AGBL1: variants seen among roughly 807,000 people sequenced by gnomAD.
AGBL1 encodes AGBL carboxypeptidase 1, also known as cytosolic carboxypeptidase 4.
AGBL1 carries 130 observed loss-of-function variants against 118.9 expected under a neutral mutation model. That is an observed-to-expected ratio of 1.09 (90% CI 0.95 to 1.26). The LOEUF is 1.26. AGBL1 is among the 50% of genes most tolerant of loss of function. The pLI is 0.00. For synonymous variants in AGBL1, 555 were observed against 478.9 expected, an observed-to-expected ratio of 1.16 and a Z score of -2.08; for missense variants, 1,584 against 1,298.1, an observed-to-expected ratio of 1.22 and a Z score of -3.38.
At chr15:86,781,727 G>A (rs769270281) in intron 22 of AGBL1, among the ~76,000 whole-genome samples, 1 of 152,106 alleles carries the variant, frequency 6.6e-6, no homozygotes, top group African/African-American at 2.4e-5. Context: ...GGCTACCAAA[G>A]ACAATATAGT....
At chr15:87,004,177 A>C (rs544118436) in intron 24 of AGBL1, among the ~76,000 whole-genome samples, 1 of 152,060 alleles carries the variant, frequency 6.6e-6, no homozygotes, top group Non-Finnish European at 1.5e-5. Context: ...CTTTGTTCTC[A>C]CTGGTTTCAA....
rs544765439 is a variant in AGBL1, at chr15:86,842,735, C to G, written c.3159-64352C>G. ...ATAATGTATTTTTCCTTAATTCTTT[C>G]AATTCTCCAAATGCTCTCTGGGAGA... On this transcript the variant is annotated intron_variant, in intron 22 of 22. Transcript: ENST00000614907. 3.9e-5 allele frequency among the ~76,000 whole-genome samples: 6 copies of G among 152,232 alleles called. No homozygotes were observed. In the East Asian group the frequency reaches 1.2e-3, roughly 29 times the overall value.
At chr15:86,544,337 C>T (rs2083548361) in intron 19 of AGBL1, among the ~76,000 whole-genome samples, 1 of 152,152 alleles carries the variant, frequency 6.6e-6, no homozygotes, top group African/African-American at 2.4e-5. Context: ...TTGCAAGGTT[C>T]CTGGGAACAG....
At chr15:86,372,615 A>T (rs963976753) in intron 17 of AGBL1, among the ~76,000 whole-genome samples, 1 of 152,218 alleles carries the variant, frequency 6.6e-6, no homozygotes, top group Non-Finnish European at 1.5e-5. Context: ...GTTCATTCCG[A>T]TTTGGAATAC....
intron 1 of AGBL1, among the ~76,000 whole-genome samples, chr15:86,137,389 G>T (rs930123584): frequency 6.6e-5 from 10 of 152,142 alleles, no homozygotes; most frequent in African/African-American, 2.4e-4. Context: ...AGAGCACGTG[G>T]AGGTGTAAAA....
At chr15:86,961,714 G>A (rs1273340543) in intron 23 of AGBL1, among the ~76,000 whole-genome samples, 1 of 152,072 alleles carries the variant, frequency 6.6e-6, no homozygotes, top group Non-Finnish European at 1.5e-5. Context: ...CGGGGGCTCA[G>A]ATGTTTCTCA....
At position 86,701,757 on chromosome 15, in the gene AGBL1, T is replaced by C. The variant is rs138111711; in HGVS notation, c.3158+27321T>C. 1.7e-3 allele frequency among the ~76,000 whole-genome samples: 242 copies of C among 141,424 alleles called. 4 individuals are homozygous for C. The East Asian group carries it at 0.023, about 14-fold the overall frequency. 92.8% of individuals were successfully genotyped at this position (141,424 alleles called of 152,430 possible). On this transcript the variant is annotated intron_variant, in intron 22 of 22. Transcript: ENST00000614907. ...CTCCTCTCTCCTTCCTTTCACTCCT[T>C]TCCCCTTCCTTTCACTCCTCTCCCC...
chr15:86,575,773 T>A (rs1039895670), intron 21 of AGBL1, among the ~76,000 whole-genome samples: 41 of 151,812 alleles, frequency 2.7e-4, no homozygotes, highest in African/African-American at 9.4e-4. Flanking sequence ...GAAAAAAAAA[T>A]TTCTATAGAG....
intron 23 of AGBL1, among the ~76,000 whole-genome samples, chr15:86,967,518 G>C (rs1434756130): frequency 6.6e-6 from 1 of 152,050 alleles, no homozygotes; most frequent in Non-Finnish European, 1.5e-5. Context: ...TGTAAGGAAG[G>C]GATCCAGTTT....
chr15:86,295,723 G>C (rs542374026), intron 17 of AGBL1: 12 of 193,508 alleles, frequency 6.2e-5, no homozygotes, highest in Middle Eastern at 4.1e-3. Context: ...TCTAATCCAG[G>C]GACTTTTCTC....
At chr15:86,747,093 C>G (rs2077768978) in intron 22 of AGBL1, among the ~76,000 whole-genome samples, 1 of 151,922 alleles carries the variant, frequency 6.6e-6, no homozygotes, top group South Asian at 2.1e-4. Flanking sequence ...GCATATGCAC[C>G]CCAGGACTCT....
At chr15:86,234,511 A>G (rs1252912324) in intron 6 of AGBL1, among the ~76,000 whole-genome samples, 2 of 145,756 alleles carry the variant, frequency 1.4e-5, no homozygotes, top group African/African-American at 5.1e-5. Context: ...AGATCACACC[A>G]CTGCACTCCA....
At chr15:86,431,651 A>C (rs1166991115) in intron 18 of AGBL1, among the ~76,000 whole-genome samples, 1 of 152,220 alleles carries the variant, frequency 6.6e-6, no homozygotes, top group African/African-American at 2.4e-5. Flanking sequence ...CTGAGTTATT[A>C]TGCAATGTCT....
At chr15:86,976,830 A>G (rs1024654637) in intron 23 of AGBL1, among the ~76,000 whole-genome samples, 2 of 152,024 alleles carry the variant, frequency 1.3e-5, no homozygotes, top group Non-Finnish European at 2.9e-5. Flanking sequence ...ACGCATATTC[A>G]CCATTTCAAA....
chr15:86,799,250 C>T (rs1056075432), intron 22 of AGBL1, among the ~76,000 whole-genome samples: 7 of 151,968 alleles, frequency 4.6e-5, no homozygotes, highest in African/African-American at 9.7e-5. Flanking sequence ...CATATGTATA[C>T]ATGTGCCATG....
chr15:86,718,159 C>A (rs1288751022), intron 22 of AGBL1, among the ~76,000 whole-genome samples: 1 of 152,090 alleles, frequency 6.6e-6, no homozygotes, highest in Non-Finnish European at 1.5e-5. Context: ...ACAGCCAGAG[C>A]CAGAGACCCT....
rs75847915 is a variant in AGBL1, at chr15:86,130,453, A to G, written c.52-11551A>G. Among the ~76,000 whole-genome samples the G allele has an allele frequency of 3.0e-3, 459 of 152,274 alleles. 4 individuals are homozygous for G. Among genetic ancestry groups the G allele is most frequent in the African/African-American group, 0.011 (439 of 41,550 alleles). On this transcript the variant is annotated intron_variant, in intron 1 of 22. Transcript: ENST00000614907. ...GTGTCTTCTTATTTTCTTAATTGAA[A>G]CATGAGGAAAGCAAGTGGGGTCCAG...
chr15:86,100,048 A>T lies in AGBL1; in HGVS notation c.51+20025A>T, dbSNP rs574024689. ...GAGGTTTTTTTTTTAATCATGAAGG[A>T]ATGTTGAATTTTATCAAATGCTTTT... On this transcript the variant is annotated intron_variant, in intron 1 of 22. Transcript: ENST00000614907. 5.3e-5 allele frequency among the ~76,000 whole-genome samples: 8 copies of T among 151,980 alleles called. No homozygotes were observed. In the South Asian group the frequency reaches 1.7e-3, roughly 32 times the overall value.
intron 22 of AGBL1, among the ~76,000 whole-genome samples, chr15:86,803,172 G>T (rs1285690821): frequency 6.6e-6 from 1 of 152,082 alleles, no homozygotes; most frequent in African/African-American, 2.4e-5. Flanking sequence ...ATCTTATCTT[G>T]AATTCTAATC....
Sources: gnomAD v4.1 joint callset for allele counts (sites outside exome capture counted in the v4.1 genomes callset) on GRCh38, gnomAD v4.1.1 for gene constraint, MANE v1.5 for transcripts, NCBI Gene and HGNC (gene_info 2026-07-23, HGNC 2026-07-21) for gene names.